Variants in KCNMB2 observed in about 807,000 individuals in gnomAD.
KCNMB2 encodes the protein potassium calcium-activated channel subfamily M regulatory beta subunit 2, also known as calcium-activated potassium channel subunit beta-2.
A neutral mutation model predicts 24.5 loss-of-function variants in KCNMB2; 9 were observed. The observed-to-expected ratio is 0.37, with a 90% CI of 0.22 to 0.64. The LOEUF is 0.64. Among genes scored for constraint, KCNMB2 ranks in the 30% least tolerant of loss-of-function variants. The pLI is 0.63. For synonymous variants in KCNMB2, 109 were observed against 104.4 expected, an observed-to-expected ratio of 1.04 and a Z score of -0.27; for missense variants, 226 against 284.3, an observed-to-expected ratio of 0.79 and a Z score of 1.47.
chr3:178,751,573 CAAAAAAAAAAAAAAAA>C (rs61148761), intron 1 of KCNMB2, among the ~76,000 whole-genome samples: 21 of 47,718 alleles, frequency 4.4e-4, no homozygotes, highest in South Asian at 4.2e-3. Context: ...GACTCCGTCT[CAAAAAAAAAAAAAAAA>C]AAAAAAAAAA....
chr3:178,669,570 T>C (rs1720831323), intron 1 of KCNMB2, among the ~76,000 whole-genome samples: 1 of 152,084 alleles, frequency 6.6e-6, no homozygotes, highest in South Asian at 2.1e-4. Context: ...ACCTCACCAA[T>C]GTGTATGCAA....
At chr3:178,599,926 G>T (rs149614853) in intron 1 of KCNMB2, among the ~76,000 whole-genome samples, 1 of 152,314 alleles carries the variant, frequency 6.6e-6, no homozygotes, top group African/African-American at 2.4e-5. Context: ...AGCCCAGGCT[G>T]GAGTCAAGTG....
chr3:178,716,075 CT>C lies in KCNMB2; in HGVS notation c.-67-91266del, dbSNP rs1393842229. The stretch of plus-strand genomic sequence containing the variant: ...AATACACAAATCTCTCTAACCAAAG[CT>C]TACAGTTCAGCCAACTCCCAGTGGT... On this transcript the variant is annotated intron_variant, in intron 1 of 4. Transcript: ENST00000452583. Among the ~76,000 whole-genome samples the C allele has an allele frequency of 2.6e-5, 4 of 152,208 alleles. No homozygotes were observed. In the East Asian group the frequency reaches 7.7e-4, roughly 29 times the overall value.
intron 1 of KCNMB2, among the ~76,000 whole-genome samples, chr3:178,586,331 A>G (rs1176344701): frequency 6.6e-6 from 1 of 151,254 alleles, no homozygotes; most frequent in Non-Finnish European, 1.5e-5. Flanking sequence ...ACTGGACAGG[A>G]AAAAAAAAGA....
At chr3:178,718,209 G>GA (rs1722682108) in intron 1 of KCNMB2, among the ~76,000 whole-genome samples, 1 of 152,134 alleles carries the variant, frequency 6.6e-6, no homozygotes, top group Admixed American at 6.5e-5. Flanking sequence ...CAAATTACAG[G>GA]TATTTGGGAT....
In KCNMB2 at chr3:178,793,514, T is replaced by TGG. The variant is rs764580123; in HGVS notation, c.-67-13823_-67-13822dup. ...ACCAAGCGGAAGCTGCTCTTCACCCTGGGGGGGTGGGCAATGGACAGCAGA... is the reference window on the plus strand; with the variant it reads ...ACCAAGCGGAAGCTGCTCTTCACCCTGGGGGGGGGTGGGCAATGGACAGCAGA... On this transcript the variant is annotated intron_variant, in intron 1 of 4. Transcript: ENST00000452583. Among the ~76,000 whole-genome samples, 1,023 of 145,592 alleles carry TGG rather than the reference T, an allele frequency of 7.0e-3. 14 individuals carry two copies. The highest frequency in any genetic ancestry group is 9.0e-3 in the Non-Finnish European group (587 of 64,984).
intron 1 of KCNMB2, among the ~76,000 whole-genome samples, chr3:178,645,659 T>C (rs144148588): frequency 9.7e-4 from 147 of 152,014 alleles, no homozygotes; most frequent in African/African-American, 3.3e-3. Context: ...CCTGGATCAG[T>C]GTTAGTGGCA....
intron 1 of KCNMB2, among the ~76,000 whole-genome samples, chr3:178,633,845 T>C (rs10936976): frequency 0.18 from 26,709 of 152,248 alleles, 2,390 homozygotes; most frequent in East Asian, 0.24. Context: ...TATGCTCTTC[T>C]TCCTGTTGAA....
At chr3:178,569,890 C>T (rs1460525751) in intron 1 of KCNMB2, among the ~76,000 whole-genome samples, 1 of 152,070 alleles carries the variant, frequency 6.6e-6, no homozygotes, top group Non-Finnish European at 1.5e-5. Flanking sequence ...TTATTGCATG[C>T]CTTTTTTTCC....
At chr3:178,784,277 T>C (rs987521200) in intron 1 of KCNMB2, among the ~76,000 whole-genome samples, 2 of 152,188 alleles carry the variant, frequency 1.3e-5, no homozygotes, top group Non-Finnish European at 2.9e-5. Flanking sequence ...ACAACCTTCA[T>C]TTTTACAGAT....
At chr3:178,583,828 CT>C (rs1367636079) in intron 1 of KCNMB2, among the ~76,000 whole-genome samples, 1 of 152,176 alleles carries the variant, frequency 6.6e-6, no homozygotes, top group Non-Finnish European at 1.5e-5. Context: ...TTAATGGTTC[CT>C]TTCTTTGACT....
chr3:178,676,214 C>G (rs895636614), intron 1 of KCNMB2, among the ~76,000 whole-genome samples: 2 of 152,140 alleles, frequency 1.3e-5, no homozygotes, highest in Non-Finnish European at 2.9e-5. Context: ...GGAGGCCACC[C>G]AGGGCATAAG....
At chr3:178,631,294 A>T (rs1719311215) in intron 1 of KCNMB2, among the ~76,000 whole-genome samples, 1 of 152,214 alleles carries the variant, frequency 6.6e-6, no homozygotes, top group Non-Finnish European at 1.5e-5. Flanking sequence ...TAAAGATGGC[A>T]TTCTCAGTGG....
At chr3:178,764,280 C>T (rs1173951398) in intron 1 of KCNMB2, among the ~76,000 whole-genome samples, 1 of 152,178 alleles carries the variant, frequency 6.6e-6, no homozygotes, top group Non-Finnish European at 1.5e-5. Flanking sequence ...AGCAGAAATT[C>T]TTAATACCAT....
At chr3:178,606,541 A>C (rs1379332031) in intron 1 of KCNMB2, among the ~76,000 whole-genome samples, 1 of 148,520 alleles carries the variant, frequency 6.7e-6, no homozygotes, top group Non-Finnish European at 1.5e-5. Flanking sequence ...GGAAGTACAT[A>C]ATTTGTTTGG....
chr3:178,688,880 A>G (rs1177028828), intron 1 of KCNMB2, among the ~76,000 whole-genome samples: 4 of 152,172 alleles, frequency 2.6e-5, no homozygotes, highest in Admixed American at 2.0e-4. Context: ...TTGAATATCT[A>G]TATGTACCAG....
At chr3:178,586,407 A>C (rs1717428631) in intron 1 of KCNMB2, among the ~76,000 whole-genome samples, 1 of 152,172 alleles carries the variant, frequency 6.6e-6, no homozygotes, top group Admixed American at 6.5e-5. Flanking sequence ...TTTAGTCAGC[A>C]TTATATTTTA....
intron 1 of KCNMB2, among the ~76,000 whole-genome samples, chr3:178,748,673 C>T (rs1723746516): frequency 6.6e-6 from 1 of 152,110 alleles, no homozygotes; most frequent in South Asian, 2.1e-4. Flanking sequence ...GAACTTTATG[C>T]TTTTAACAAT....
At chr3:178,836,969 A>G (rs1042785760) in intron 4 of KCNMB2, among the ~76,000 whole-genome samples, 40 of 152,218 alleles carry the variant, frequency 2.6e-4, no homozygotes, top group Non-Finnish European at 1.2e-4. Flanking sequence ...ATAAAATCAT[A>G]AGATAACTAA....
Sources: allele counts gnomAD v4.1 joint callset (sites outside exome capture counted in the v4.1 genomes callset), GRCh38; gene constraint gnomAD v4.1.1; transcripts MANE v1.5; gene names NCBI Gene and HGNC (gene_info 2026-07-23, HGNC 2026-07-21).